Variants in AOAH observed in about 807,000 individuals in gnomAD.
The protein encoded by AOAH is acyloxyacyl hydrolase, also known as acyloxyacyl hydrolase (neutrophil).
AOAH carries 64 observed loss-of-function variants against 92.2 expected under a neutral mutation model. The ratio of observed to expected loss-of-function variants is 0.69; its 90% CI spans 0.57 to 0.86. The LOEUF is 0.86. Among genes scored for constraint, AOAH ranks in the 40% least tolerant of loss-of-function variants. The probability of loss-of-function intolerance (pLI) is 0.00; values close to 1 mark genes in which losing one functional copy is unlikely to be tolerated. For synonymous variants in AOAH, 263 were observed against 254.5 expected (o/e 1.03, Z -0.32); for missense variants, 656 against 694.6 (o/e 0.94, Z 0.62).
intron 13 of AOAH, among the ~76,000 whole-genome samples, chr7:36,556,098 C>T (rs1235851296): frequency 2.0e-5 from 3 of 152,012 alleles, no homozygotes; most frequent in Non-Finnish European, 4.4e-5. Flanking sequence ...TTGGATCTTT[C>T]CTGCTTTCTC....
At chr7:36,712,968 T>A (rs1484140380) in intron 1 of AOAH, among the ~76,000 whole-genome samples, 1 of 152,108 alleles carries the variant, frequency 6.6e-6, no homozygotes, top group Non-Finnish European at 1.5e-5. Context: ...CAGGATCAAA[T>A]TCACACATAA....
chr7:36,530,634 C>T, intron 18 of AOAH, 120 bp from the exon 19 acceptor site: 1 of 656,338 alleles, frequency 1.5e-6, no homozygotes, highest in Non-Finnish European at 2.7e-6. Context: ...TTTCTCCAAG[C>T]CATCAGCAGA....
chr7:36,514,599 A>G lies in AOAH; in HGVS notation c.1600-1219T>C, dbSNP rs1019064295. 14 of 1,531,764 alleles carry G rather than the reference A, an allele frequency of 9.1e-6. No homozygotes were observed. In the African/African-American group the frequency reaches 1.8e-4, roughly 20 times the overall value. The allele number at this position is 1,531,764 out of a possible 1,614,324, so 94.9% of individuals were successfully genotyped here. ...AGGAGGATGCTCTTTCTCTGCAAAC[A>G]ATGCCCTCATTTAGCAAATGGGACC... On this transcript the variant is annotated intron_variant, in intron 20 of 20. Transcript: ENST00000617537.
At chr7:36,661,678 A>C (rs1795221352) in intron 3 of AOAH, among the ~76,000 whole-genome samples, 1 of 152,148 alleles carries the variant, frequency 6.6e-6, no homozygotes, top group Admixed American at 6.5e-5. Flanking sequence ...TTGTGATTGA[A>C]AGCAGTTAAC....
intron 2 of AOAH, among the ~76,000 whole-genome samples, chr7:36,684,379 G>T (rs143599941): frequency 0.019 from 2,967 of 152,196 alleles, 76 homozygotes; most frequent in Non-Finnish European, 0.023. Context: ...GCTGTGAGAT[G>T]ATAACAGAAA....
intron 12 of AOAH, among the ~76,000 whole-genome samples, chr7:36,585,895 T>A (rs1233916048): frequency 6.6e-6 from 1 of 152,134 alleles, no homozygotes; most frequent in East Asian, 1.9e-4. Context: ...AATTTTTTTG[T>A]ACAATGAAAA....
At chr7:36,632,255 C>A (rs1438551201) in intron 5 of AOAH, 149 bp from the exon 6 acceptor site, 21 of 667,940 alleles carry the variant, frequency 3.1e-5, no homozygotes, top group Non-Finnish European at 5.1e-5. Context: ...CCTCTTGTTC[C>A]TGTCCCCACC....
chr7:36,569,636 T>A (rs1163098045), intron 13 of AOAH, among the ~76,000 whole-genome samples: 1 of 151,320 alleles, frequency 6.6e-6, no homozygotes, highest in East Asian at 1.9e-4. Flanking sequence ...TTAGATGGAG[T>A]TTCCACTCTT....
At chr7:36,569,507 A>ATCTG (rs1562578460) in intron 13 of AOAH, among the ~76,000 whole-genome samples, 1 of 144,262 alleles carries the variant, frequency 6.9e-6, no homozygotes, top group Non-Finnish European at 1.5e-5. Flanking sequence ...CTATCTATCT[A>ATCTG]TCTATCTGTC....
At chr7:36,527,446 A>G (rs917340635) in intron 19 of AOAH, among the ~76,000 whole-genome samples, 3 of 152,218 alleles carry the variant, frequency 2.0e-5, no homozygotes, top group African/African-American at 7.2e-5. Context: ...CTGATAAAAG[A>G]TTACTTTTCT....
In AOAH at chr7:36,694,569, T is replaced by G. The variant is rs1271243399; in HGVS notation, c.128-7775A>C. The stretch of plus-strand genomic sequence containing the variant: ...TTTCAATACACTTTTGTCTATACTA[T>G]ATTTTAAAAAAAATCCTTTATCTTA... On this transcript the variant is annotated intron_variant, in intron 1 of 20. Transcript: ENST00000617537. Among the ~76,000 whole-genome samples, 6 of 152,172 alleles carry G rather than the reference T, an allele frequency of 3.9e-5. No homozygotes were observed. In the East Asian group the frequency reaches 1.2e-3, roughly 29 times the overall value.
chr7:36,654,390 TC>T (rs1408272545), intron 4 of AOAH, among the ~76,000 whole-genome samples: 1 of 152,182 alleles, frequency 6.6e-6, no homozygotes, highest in African/African-American at 2.4e-5. Context: ...ATGAAGTTTG[TC>T]CTTTTTGAGC....
intron 1 of AOAH, among the ~76,000 whole-genome samples, chr7:36,688,370 C>A (rs1461715781): frequency 6.6e-6 from 1 of 151,938 alleles, no homozygotes; most frequent in African/African-American, 2.4e-5. Context: ...ACCAATTTCA[C>A]TTTTATTATG....
At chr7:36,523,148 T>A (rs190303373) in intron 19 of AOAH, among the ~76,000 whole-genome samples, 394 of 152,238 alleles carry the variant, frequency 2.6e-3, no homozygotes, top group African/African-American at 9.1e-3. Flanking sequence ...AGGAAAAAAA[T>A]TCATACTGAT....
intron 5 of AOAH, among the ~76,000 whole-genome samples, chr7:36,637,000 T>A (rs908880876): frequency 6.6e-6 from 1 of 152,206 alleles, no homozygotes; most frequent in Non-Finnish European, 1.5e-5. Flanking sequence ...TGCTGATGGA[T>A]GCTTCCTTAC....
intron 16 of AOAH, among the ~76,000 whole-genome samples, chr7:36,535,124 A>C (rs1024715838): frequency 1.9e-5 from 2 of 108,056 alleles, no homozygotes; most frequent in African/African-American, 7.1e-5. Flanking sequence ...CTGTGTGTGT[A>C]TGTGTCTGCT....
intron 10 of AOAH, among the ~76,000 whole-genome samples, chr7:36,616,831 G>C (rs567815480): frequency 6.6e-6 from 1 of 152,144 alleles, no homozygotes; most frequent in African/African-American, 2.4e-5. Flanking sequence ...ACACACCAAC[G>C]TCCATTACAA....
intron 16 of AOAH, among the ~76,000 whole-genome samples, chr7:36,534,296 C>T (rs1784876248): frequency 6.6e-6 from 1 of 152,222 alleles, no homozygotes; most frequent in African/African-American, 2.4e-5. Context: ...CCTTCTGCAC[C>T]TCCTCAGTCC....
chr7:36,602,256 A>T (rs1429297967), intron 11 of AOAH, among the ~76,000 whole-genome samples: 3 of 152,040 alleles, frequency 2.0e-5, no homozygotes, highest in African/African-American at 7.2e-5. Context: ...TTATTTATTT[A>T]TTTTTACCTT....
Sources: gnomAD v4.1 joint callset for allele counts (sites outside exome capture counted in the v4.1 genomes callset) on GRCh38, gnomAD v4.1.1 for gene constraint, MANE v1.5 for transcripts, NCBI Gene and HGNC (gene_info 2026-07-23, HGNC 2026-07-21) for gene names.